SLC9A7: variants seen among roughly 807,000 people sequenced by gnomAD.
SLC9A7 encodes the protein sodium/hydrogen exchanger 7.
In SLC9A7, 19 loss-of-function variants were observed where a neutral mutation model predicts 52.6. The observed-to-expected ratio is 0.36, with a 90% confidence interval of 0.25 to 0.53. The LOEUF is 0.53. Ranked by LOEUF, SLC9A7 falls within the 20% of genes least tolerant of loss-of-function variation. The pLI is 0.91. For missense variants in SLC9A7, 455 were observed against 597.9 expected (o/e 0.76, Z 2.49); for synonymous variants, 226 against 252.1 (o/e 0.90, Z 0.98).
chrX:46,612,411 C>A (rs747554782), intron 16 of SLC9A7, among the ~76,000 whole-genome samples: 1 of 111,376 alleles, frequency 9.0e-6, no homozygotes, highest in Non-Finnish European at 1.9e-5. Context: ...CAGGAGTCAG[C>A]CCTAAATCTA....
intron 1 of SLC9A7, among the ~76,000 whole-genome samples, chrX:46,753,846 C>A (rs188498436): frequency 0.041 from 4,549 of 109,666 alleles, 221 homozygotes; most frequent in African/African-American, 0.14. Context: ...ATTAGCCGGG[C>A]ATGGTGGCGG....
intron 1 of SLC9A7, among the ~76,000 whole-genome samples, chrX:46,738,353 C>T (rs1374985454): frequency 8.9e-6 from 1 of 112,530 alleles, no homozygotes; most frequent in African/African-American, 3.2e-5. Context: ...AAGCCCTCCA[C>T]ACCAGCAAGG....
At chrX:46,656,691 G>C (rs1216462952) in intron 7 of SLC9A7, among the ~76,000 whole-genome samples, 1 of 111,674 alleles carries the variant, frequency 9.0e-6, no homozygotes, top group Non-Finnish European at 1.9e-5. Context: ...AAAAAGAAAT[G>C]AGCAAAGCCT....
In SLC9A7 at chrX:46,687,954, G is replaced by C. The variant is rs149218834; in HGVS notation, c.326-5419C>G. Among the ~76,000 whole-genome samples the C allele has an allele frequency of 6.6e-3, 734 of 111,970 alleles. 6 individuals carry two copies. The highest frequency in any genetic ancestry group is 0.023 in the African/African-American group (703 of 30,815). On this transcript the variant is annotated intron_variant, in intron 1 of 16. Coordinates refer to ENST00000616978, the MANE Select transcript of SLC9A7 (RefSeq NM_001257291.2). The stretch of plus-strand genomic sequence containing the variant: ...TACAATATGTAGCCTCTTGTGTCTG[G>C]CTTCTTTCACTTAGTATGTTTTCAA...
intron 8 of SLC9A7, among the ~76,000 whole-genome samples, chrX:46,651,609 C>T (rs1324596095): frequency 9.0e-6 from 1 of 110,947 alleles, no homozygotes; most frequent in East Asian, 2.8e-4. Context: ...AAGCAGATCG[C>T]TTGAACCCAG....
At chrX:46,651,437 GAA>G in intron 8 of SLC9A7, 33 bp from the exon 9 acceptor site, 1 of 1,075,469 alleles carries the variant, frequency 9.3e-7, no homozygotes, top group Non-Finnish European at 1.3e-6. Context: ...AAAATCAATG[GAA>G]AAAAAAGAGG....
intron 15 of SLC9A7, 81 bp downstream of exon 15, chrX:46,620,896 T>C (rs1479688226): frequency 8.7e-6 from 6 of 689,566 alleles, no homozygotes; most frequent in Middle Eastern, 6.2e-4. Context: ...TCCTTACTTA[T>C]CAGGTGTCAT....
At chrX:46,639,795 CAA>C (rs57733200) in intron 12 of SLC9A7, among the ~76,000 whole-genome samples, 115 of 90,213 alleles carry the variant, frequency 1.3e-3, no homozygotes, top group East Asian at 2.0e-3. Flanking sequence ...AAGAATCTAC[CAA>C]AAAAAAAAAA....
rs960044118 is a variant in SLC9A7, at chrX:46,624,294, T to C, written c.1741-3235A>G. ...CACGACCTGGGACTTGCAACTGGTG[T>C]CTGAAGTGGGGACAGTCTTGTGGGA... is the stretch of plus-strand genomic sequence containing the variant. On this transcript the variant is annotated intron_variant, in intron 14 of 16. Transcript: ENST00000616978. Among the ~76,000 whole-genome samples the C allele has an allele frequency of 4.5e-5, 5 of 111,978 alleles. 1 individual carries two copies. The highest frequency in any genetic ancestry group is 7.5e-5 in the Non-Finnish European group (4 of 53,216).
Position 46,662,122 on chromosome X carries a change from G to C in SLC9A7, c.935C>G (p.Thr312Ser), listed in dbSNP as rs761686665. The C allele has an allele frequency of 2.5e-6, 3 of 1,208,397 alleles. No individual in the cohort carries two copies. The African/African-American group carries it at 5.2e-5, about 21-fold the overall frequency. ...IVAYQPAGLN[T>S]HAFDAAAFFK... The stretch of plus-strand genomic sequence containing the variant: ...AAAGGCAGCAGCATCAAAGGCGTGA[G>C]TGTTCAGTCCCGCTGGCTGGTAGGC... Residue 312 changes from threonine to serine, a missense_variant, in exon 7 of 17, where the codon ACT (threonine) becomes AGT (serine). Around this residue, in one of 3 missense-constraint regions of SLC9A7, gnomAD observed 304 missense variants for 417.8 expected, o/e 0.73. Transcript: ENST00000616978.
intron 1 of SLC9A7, among the ~76,000 whole-genome samples, chrX:46,686,181 A>G (rs916658467): frequency 3.6e-5 from 4 of 111,873 alleles, no homozygotes; most frequent in African/African-American, 1.3e-4. Context: ...CCTGGGCCCA[A>G]TGCGCTCATA....
intron 5 of SLC9A7, among the ~76,000 whole-genome samples, chrX:46,663,122 T>C (rs1313482812): frequency 9.0e-6 from 1 of 110,990 alleles, no homozygotes; most frequent in Non-Finnish European, 1.9e-5. Flanking sequence ...TCACCTGAGG[T>C]GAGGAGTTTG....
At chrX:46,612,041 G>C (rs1942859916) in intron 16 of SLC9A7, among the ~76,000 whole-genome samples, 1 of 111,725 alleles carries the variant, frequency 9.0e-6, no homozygotes, top group Admixed American at 9.5e-5. Flanking sequence ...GTAAACTGCA[G>C]GTTATTTGCT....
intron 1 of SLC9A7, among the ~76,000 whole-genome samples, chrX:46,722,053 A>T (rs1944868646): frequency 9.0e-6 from 1 of 111,387 alleles, no homozygotes; most frequent in African/African-American, 3.3e-5. Flanking sequence ...CCTGGGTTCT[A>T]AAAAAACACT....
At chrX:46,649,692 T>C (rs1220761228) in intron 10 of SLC9A7, among the ~76,000 whole-genome samples, 2 of 112,630 alleles carry the variant, frequency 1.8e-5, no homozygotes, top group African/African-American at 6.5e-5. Flanking sequence ...GGCGGAACTA[T>C]CTTCTCTGTC....
At chrX:46,696,435 A>C (rs935657440) in intron 1 of SLC9A7, among the ~76,000 whole-genome samples, 3 of 111,991 alleles carry the variant, frequency 2.7e-5, no homozygotes, top group African/African-American at 9.7e-5. Context: ...AGCTTCTACC[A>C]ACCAGGTGCT....
At chrX:46,631,893 C>T (rs1026236508) in intron 13 of SLC9A7, among the ~76,000 whole-genome samples, 6 of 111,813 alleles carry the variant, frequency 5.4e-5, no homozygotes, top group African/African-American at 1.3e-4. Flanking sequence ...GCAAGGCCGC[C>T]GGAACACAAC....
intron 1 of SLC9A7, among the ~76,000 whole-genome samples, chrX:46,748,320 T>C (rs79072220): frequency 1.1e-5 from 1 of 91,813 alleles, no homozygotes; most frequent in African/African-American, 4.2e-5. Context: ...CACTCCGGCC[T>C]GGGCAACAAG....
Position 46,606,890 on chromosome X carries a change from G to GC in SLC9A7, c.*61dup. On this transcript the variant is annotated 3_prime_UTR_variant, in exon 17 of 17. Transcript: ENST00000616978. Reference sequence around the variant, plus strand: ...CTGCCCCACCTCCAACAACACTAGGGCTTGCAGCTGTCCTCACCCCATCGG... The same window carrying GC: ...CTGCCCCACCTCCAACAACACTAGGGCCTTGCAGCTGTCCTCACCCCATCGG... The GC allele has an allele frequency of 5.8e-6, 7 of 1,200,739 alleles. No individual in the cohort carries two copies. Among genetic ancestry groups the GC allele is most frequent in the Non-Finnish European group, 7.9e-6 (7 of 888,677 alleles).
Sources: allele counts gnomAD v4.1 joint callset (sites outside exome capture counted in the v4.1 genomes callset), GRCh38; gene constraint gnomAD v4.1.1; regional missense constraint gnomAD v4.1.1; transcripts MANE v1.5; gene names NCBI Gene and HGNC (gene_info 2026-07-23, HGNC 2026-07-21).